Variants in IRF2BPL observed in about 807,000 individuals in gnomAD.
IRF2BPL encodes the protein probable E3 ubiquitin-protein ligase IRF2BPL.
In IRF2BPL, 13 loss-of-function variants were observed where a neutral mutation model predicts 51.2. That is an observed-to-expected ratio of 0.25 (90% confidence interval 0.17 to 0.40). The LOEUF (loss-of-function observed/expected upper bound fraction) is 0.40, where lower values mean the gene tolerates loss of function less well. Among genes scored for constraint, IRF2BPL ranks in the 10% least tolerant of loss-of-function variants. IRF2BPL has a pLI of 1.00. For missense variants in IRF2BPL, 1,210 were observed against 1,111.8 expected (o/e 1.09, Z -1.26); for synonymous variants, 768 against 509.2 (o/e 1.51, Z -6.84).
chr14:77,026,091 G>T lies in IRF2BPL; in HGVS notation c.1702C>A (p.Gln568Lys), dbSNP rs868308627. 2 of 1,574,338 alleles carry T rather than the reference G, an allele frequency of 1.3e-6. No homozygotes were observed. Among genetic ancestry groups the T allele is most frequent in the Non-Finnish European group, 8.6e-7 (1 of 1,165,272 alleles). ...GCCTCGCTCTGGTTCGCCATCCACT[G>T]CTGCCTCTGCTGTTCCTCGCCCAGC... Reference protein sequence around the residue: ...LKLGEEQQRQQWMANQSEALK... With the variant: ...LKLGEEQQRQKWMANQSEALK... Residue 568 changes from glutamine (Q) to lysine (K), a missense_variant, in exon 1 of 1, where the codon CAG becomes AAG. Coordinates refer to ENST00000238647, the MANE Select transcript of IRF2BPL (RefSeq NM_024496.4).
In IRF2BPL at chr14:77,026,116, C is replaced by G. The variant is rs1472006916; in HGVS notation, c.1677G>C (p.Lys559Asn). ...EPPDSAEGALKLGEEQQRQQW... is the reference protein window; with the variant it reads ...EPPDSAEGALNLGEEQQRQQW... ...GCTGCCTCTGCTGTTCCTCGCCCAGCTTCAGCGCGCCCTCGGCTGAGTCCG... is the reference window on the plus strand; with the variant it reads ...GCTGCCTCTGCTGTTCCTCGCCCAGGTTCAGCGCGCCCTCGGCTGAGTCCG... Residue 559 changes from lysine (K) to asparagine (N), a missense_variant, in exon 1 of 1, where the codon AAG (lysine) becomes AAC (asparagine). By Grantham distance (94) the Lys-to-Asn change is moderately conservative. Coordinates refer to ENST00000238647, the MANE Select transcript of IRF2BPL (RefSeq NM_024496.4). 8.3e-6 allele frequency: 13 copies of G among 1,570,618 alleles called. No individual in the cohort carries two copies. The highest frequency in any genetic ancestry group is 7.2e-5 in the Admixed American group (4 of 55,758).
In IRF2BPL at chr14:77,027,304, AGCGGCG is replaced by A. The variant is rs371633333; in HGVS notation, c.483_488del (p.Ala163_Ala164del). The A allele has an allele frequency of 2.7e-4, 409 of 1,538,232 alleles. 1 individual carries two copies. The highest frequency in any genetic ancestry group is 6.5e-4 in the Middle Eastern group (3 of 4,638). ...CGAAGCGGCTGCGCTGTTCCACCGC[AGCGGCG>A]GCGGCGGCGGCGGCGGCGGCGGCAG... On this transcript the variant is annotated inframe_deletion, in exon 1 of 1. Coordinates refer to ENST00000238647, the MANE Select transcript of IRF2BPL (RefSeq NM_024496.4).
At position 77,026,759 on chromosome 14, in the gene IRF2BPL, T is replaced by C. The variant is rs1443567609; in HGVS notation, c.1034A>G (p.Lys345Arg). The change falls in exon 1 of 1, where the codon AAG becomes AGG. Residue 345 changes from lysine (K) to arginine (R), a missense_variant. Lys to Arg is a conservative substitution (Grantham distance 26). Transcript: ENST00000238647. ...GGCCTCGGCGTTGCGCTGCTTCTCCTTCAACTCGCGCTCCTGGTCTGTGCT... is the reference window on the plus strand; with the variant it reads ...GGCCTCGGCGTTGCGCTGCTTCTCCCTCAACTCGCGCTCCTGGTCTGTGCT... ...VSSTDQEREL[K>R]EKQRNAEALA... 6.2e-7 allele frequency: 1 copy of C among 1,612,550 alleles called. No individual in the cohort carries two copies. Among genetic ancestry groups the C allele is most frequent in the East Asian group, 2.2e-5 (1 of 44,860 alleles).
rs1260016951 is a variant in IRF2BPL at position 77,027,686 on chromosome 14, C to T, written c.107G>A (p.Arg36His). ...MIWDFSEPVCRGCVNYEGADR... is the reference protein window; with the variant it reads ...MIWDFSEPVCHGCVNYEGADR... ...AGCGCCCTCGTAGTTGACGCAACCG[C>T]GGCATACGGGTTCCGAGAAGTCCCA... is the stretch of plus-strand genomic sequence containing the variant. The change falls in exon 1 of 1, where the codon CGC becomes CAC. Residue 36 changes from arginine (R) to histidine (H), a missense_variant. Physicochemically the swap from Arg to His is conservative, Grantham distance 29 (BLOSUM62 0). Coordinates refer to ENST00000238647, the MANE Select transcript of IRF2BPL (RefSeq NM_024496.4). The T allele has an allele frequency of 6.2e-7, 1 of 1,612,048 alleles. No homozygotes were observed. Among genetic ancestry groups the T allele is most frequent in the Non-Finnish European group, 8.5e-7 (1 of 1,179,526 alleles).
rs924464224 is a variant in IRF2BPL, at chr14:77,026,400, T to G, written c.1393A>C (p.Lys465Gln). ...AGGCGCCAGTCCCCGGAGCCGTGCT[T>G]CTTTTCGTACTCCAGGTACTTGAAA... ...SGFKYLEYEK[K>Q]HGSGDWRLLG... Residue 465 changes from lysine (K) to glutamine (Q), a missense_variant, in exon 1 of 1, where the codon AAG becomes CAG. Physicochemically the swap from Lys to Gln is moderately conservative, Grantham distance 53. Coordinates refer to ENST00000238647, the MANE Select transcript of IRF2BPL (RefSeq NM_024496.4). The G allele has an allele frequency of 3.1e-6, 5 of 1,613,230 alleles. No homozygotes were observed. The highest frequency in any genetic ancestry group is 4.2e-6 in the Non-Finnish European group (5 of 1,179,972).
At position 77,024,914 on chromosome 14, in the gene IRF2BPL, ATTTTTTTTTTTTTTTTTTTTTTTTT is replaced by A. The variant is rs554195069; in HGVS notation, c.*463_*487del. The A allele has an allele frequency of 4.4e-5, 1 of 22,972 alleles. No individual in the cohort carries two copies. Among genetic ancestry groups the A allele is most frequent in the South Asian group, 1.8e-3 (1 of 562 alleles). The allele number at this position is 22,972 out of a possible 1,614,324, so 1.4% of individuals were successfully genotyped here. A position where few individuals can be genotyped will look rare whatever the true frequency, so the allele number is the denominator to read the frequency against. On this transcript the variant is annotated 3_prime_UTR_variant, in exon 1 of 1. Transcript: ENST00000238647. The stretch of plus-strand genomic sequence containing the variant: ...AAGGAAGCTTTCACCATTTTATAGC[ATTTTTTTTTTTTTTTTTTTTTTTTT>A]TTTTTTTTTTTAGGCAGCAACACTG...
chr14:77,027,012 G>T lies in IRF2BPL; in HGVS notation c.781C>A (p.Leu261Met). ...TVPPNLLPQT[L>M]LNGPASAAVL... Reference sequence around the variant, plus strand: ...GCAGCGCTGGCCGGGCCGTTAAGCAGCGTCTGCGGTAGCAGGTTGGGGGGC... The same window carrying T: ...GCAGCGCTGGCCGGGCCGTTAAGCATCGTCTGCGGTAGCAGGTTGGGGGGC... The change falls in exon 1 of 1, where the codon CTG becomes ATG. Residue 261 changes from leucine (L) to methionine (M), a missense_variant. By Grantham distance (15) the Leu-to-Met change is conservative (BLOSUM62 2). Transcript: ENST00000238647. 6.6e-7 allele frequency: 1 copy of T among 1,519,744 alleles called. No homozygotes were observed. The highest frequency in any genetic ancestry group is 8.8e-7 in the Non-Finnish European group (1 of 1,135,118). 94.1% of individuals were successfully genotyped at this position (1,519,744 alleles called of 1,614,324 possible).
At position 77,027,433 on chromosome 14, in the gene IRF2BPL, C is replaced by T. The variant is rs756267666; in HGVS notation, c.360G>A (p.Gln120=). 31 of 1,412,962 alleles carry T rather than the reference C, an allele frequency of 2.2e-5. No homozygotes were observed. In the South Asian group the frequency reaches 2.3e-4, roughly 10 times the overall value. The allele number at this position is 1,412,962 out of a possible 1,614,324, so 87.5% of individuals were successfully genotyped here. ...TGAGCTGTTGTTGCTGCTGCTGCTGCTGCTGCTGCTGCTGCTGTTGCTGCT... is the reference window on the plus strand; with the variant it reads ...TGAGCTGTTGTTGCTGCTGCTGCTGTTGCTGCTGCTGCTGCTGTTGCTGCT... ...QQQQQQQQQQ[Q]QQQQQQQLNH... Residue 120 remains glutamine, a synonymous_variant, in exon 1 of 1, where the codon CAG becomes CAA. Coordinates refer to ENST00000238647, the MANE Select transcript of IRF2BPL (RefSeq NM_024496.4).
In IRF2BPL at chr14:77,024,783, T is replaced by G. The variant is rs1179507236; in HGVS notation, c.*619A>C. On this transcript the variant is annotated 3_prime_UTR_variant, in exon 1 of 1. Coordinates refer to ENST00000238647, the MANE Select transcript of IRF2BPL (RefSeq NM_024496.4). The stretch of plus-strand genomic sequence containing the variant: ...TTCCCCTCACAAACTTGCAACAAAA[T>G]ACACCCCATCCCCCCCGACACCCCC... 6.6e-6 allele frequency: 1 copy of G among 150,898 alleles called. No homozygotes were observed. Among genetic ancestry groups the G allele is most frequent in the Admixed American group, 6.6e-5 (1 of 15,070 alleles). The allele number at this position is 150,898 out of a possible 1,614,324, so 9.3% of individuals were successfully genotyped here.
At position 77,027,891 on chromosome 14, in the gene IRF2BPL, G is replaced by C; in HGVS notation, c.-99C>G. Reference sequence around the variant, plus strand: ...CGGCTGGGGAGGGAGTCCGACTGCGGGGGAGGGAGGAGGGGGGGCGAGAAA... The same window carrying C: ...CGGCTGGGGAGGGAGTCCGACTGCGCGGGAGGGAGGAGGGGGGGCGAGAAA... On this transcript the variant is annotated 5_prime_UTR_variant, in exon 1 of 1. Coordinates refer to ENST00000238647, the MANE Select transcript of IRF2BPL (RefSeq NM_024496.4). 1 of 1,362,392 alleles carries C rather than the reference G, an allele frequency of 7.3e-7. No individual in the cohort carries two copies. The highest frequency in any genetic ancestry group is 9.6e-7 in the Non-Finnish European group (1 of 1,044,550). 84.4% of individuals were successfully genotyped at this position (1,362,392 alleles called of 1,614,324 possible). A position where few individuals can be genotyped will look rare whatever the true frequency, so the allele number is the denominator to read the frequency against.
rs1885172839 is a variant in IRF2BPL at position 77,027,420 on chromosome 14, GCT to G, written c.371_372del (p.Gln124ProfsTer8). 4.8e-6 allele frequency: 1 copy of G among 207,054 alleles called. No homozygotes were observed. The highest frequency in any genetic ancestry group is 1.6e-4 in the African/African-American group (1 of 6,344). The allele number at this position is 207,054 out of a possible 1,614,324, so 12.8% of individuals were successfully genotyped here. ...CCATCAACGTGGTTGAGCTGTTGTTGCTGCTGCTGCTGCTGCTGCTGCTGCTG... is the reference window on the plus strand; with the variant it reads ...CCATCAACGTGGTTGAGCTGTTGTTGGCTGCTGCTGCTGCTGCTGCTGCTG... Reference protein sequence around the residue: ...QQQQQQQQQQQQQQLNHVDGS... With the variant: ...QQQQQQQQQQXQQQLNHVDGS... On this transcript the variant is annotated frameshift_variant, in exon 1 of 1. Transcript: ENST00000238647. LOFTEE classifies it high-confidence loss of function.
rs1566787421 is a variant in IRF2BPL at position 77,028,014 on chromosome 14, C to T, written c.-222G>A. ...GCCCGGGCAGCGGACGGGTTCAGCC[C>T]TCTCTTCGCCCCCACCTCCTACTGC... On this transcript the variant is annotated 5_prime_UTR_variant, in exon 1 of 1. Transcript: ENST00000238647. 4.1e-6 allele frequency: 2 copies of T among 483,730 alleles called. No homozygotes were observed. The highest frequency in any genetic ancestry group is 4.0e-5 in the Admixed American group (1 of 24,730). 30.0% of individuals were successfully genotyped at this position (483,730 alleles called of 1,614,324 possible). A position where few individuals can be genotyped will look rare whatever the true frequency, so the allele number is the denominator to read the frequency against.
Position 77,027,333 on chromosome 14 carries a change from C to G in IRF2BPL, c.460G>C (p.Ala154Pro). Residue 154 changes from alanine (A) to proline (P), a missense_variant, in exon 1 of 1, where the codon GCC becomes CCC. Transcript: ENST00000238647. ...SGLERYGLSA[A>P]AAAAAAAAAA... ...GCGGCGGCGGCGGCGGCGGCGGCGG[C>G]AGCGCTTAGGCCGTAGCGCTCCAGG... 6.5e-7 allele frequency: 1 copy of G among 1,530,276 alleles called. No individual in the cohort carries two copies. 94.8% of individuals were successfully genotyped at this position (1,530,276 alleles called of 1,614,324 possible).
chr14:77,026,010 C>T lies in IRF2BPL; in HGVS notation c.1783G>A (p.Gly595Ser), dbSNP rs2140377333. The T allele has an allele frequency of 6.4e-7, 1 of 1,564,998 alleles. No homozygotes were observed. Among genetic ancestry groups the T allele is most frequent in the Non-Finnish European group, 8.6e-7 (1 of 1,156,726 alleles). The part of the protein sequence containing the change: ...GFAAPGHAAG[G>S]PPPPPPPLGP... ...AGAGGTGGGGGCGGCGGAGGCGGAC[C>T]CCCCGCCGCGTGCCCCGGCGCCGCG... is the stretch of plus-strand genomic sequence containing the variant. The change falls in exon 1 of 1, where the codon GGT becomes AGT. Residue 595 changes from glycine (G) to serine (S), a missense_variant. Gly to Ser is a moderately conservative substitution (Grantham distance 56). Transcript: ENST00000238647.
In IRF2BPL at chr14:77,028,621, C is replaced by A; in HGVS notation, c.-829G>T. 1 of 387,272 alleles carries A rather than the reference C, an allele frequency of 2.6e-6. No homozygotes were observed. Among genetic ancestry groups the A allele is most frequent in the Admixed American group, 4.5e-5 (1 of 22,328 alleles). The allele number at this position is 387,272 out of a possible 1,614,324, so 24.0% of individuals were successfully genotyped here. ...ATCCCTTCCCGCTCGTGCTCACGCT[C>A]GCCCGGAATGTGGGGTTGTGATTGT... On this transcript the variant is annotated 5_prime_UTR_variant, in exon 1 of 1. Transcript: ENST00000238647.
rs761017530 is a variant in IRF2BPL, at chr14:77,025,807, C to T, written c.1986G>A (p.Ser662=). The T allele has an allele frequency of 1.9e-6, 3 of 1,611,644 alleles. No homozygotes were observed. Among genetic ancestry groups the T allele is most frequent in the Admixed American group, 3.3e-5 (2 of 59,870 alleles). The change falls in exon 1 of 1, where the codon TCG becomes TCA. Residue 662 remains serine (S), a synonymous_variant. Transcript: ENST00000238647. ...SARRNSSSPV[S]PASVPGQRRL... is the part of the protein sequence containing the mutation. ...GGCGCTGCCCCGGCACGGAGGCCGG[C>T]GAGACTGGGCTGCTGCTGTTTCGCC... is the stretch of plus-strand genomic sequence containing the variant.
rs1470364861 is a variant in IRF2BPL, at chr14:77,027,080, C to A, written c.713G>T (p.Gly238Val). 5 of 1,605,334 alleles carry A rather than the reference C, an allele frequency of 3.1e-6. No homozygotes were observed. The highest frequency in any genetic ancestry group is 2.5e-6 in the Non-Finnish European group (3 of 1,177,078). Reference protein sequence around the residue: ...RRGTHGGLVTGLPNPGGGGGP... With the variant: ...RRGTHGGLVTVLPNPGGGGGP... Reference sequence around the variant, plus strand: ...TCCGCCACCCCCCGGGTTGGGCAGCCCCGTAACCAGCCCACCGTGCGTTCC... The same window carrying A: ...TCCGCCACCCCCCGGGTTGGGCAGCACCGTAACCAGCCCACCGTGCGTTCC... The change falls in exon 1 of 1, where the codon GGG becomes GTG. Residue 238 changes from glycine (G) to valine (V), a missense_variant. By Grantham distance (109) the Gly-to-Val change is moderately radical. Coordinates refer to ENST00000238647, the MANE Select transcript of IRF2BPL (RefSeq NM_024496.4).
Position 77,027,426 on chromosome 14 carries a change from GC to G in IRF2BPL, c.366del (p.Gln122HisfsTer30), listed in dbSNP as rs1885173706. 2.1e-6 allele frequency: 2 copies of G among 946,292 alleles called. No individual in the cohort carries two copies. Among genetic ancestry groups the G allele is most frequent in the Non-Finnish European group, 2.9e-6 (2 of 690,156 alleles). 58.6% of individuals were successfully genotyped at this position (946,292 alleles called of 1,614,324 possible). A position where few individuals can be genotyped will look rare whatever the true frequency, so the allele number is the denominator to read the frequency against. ...ACGTGGTTGAGCTGTTGTTGCTGCT[GC>G]TGCTGCTGCTGCTGCTGCTGCTGTT... ...QQQQQQQQQQ[Q>X]QQQQQLNHVD... On this transcript the variant is annotated frameshift_variant, in exon 1 of 1. Coordinates refer to ENST00000238647, the MANE Select transcript of IRF2BPL (RefSeq NM_024496.4). LOFTEE classifies it high-confidence loss of function.
Position 77,027,295 on chromosome 14 carries a change from T to C in IRF2BPL, c.498A>G (p.Glu166=), listed in dbSNP as rs1278253147. ...AAAAAAAAAV[E]QRSRFEYPPP... ...GCGGGTACTCGAAGCGGCTGCGCTG[T>C]TCCACCGCAGCGGCGGCGGCGGCGG... The change falls in exon 1 of 1, where the codon GAA becomes GAG. Residue 166 remains glutamate, a synonymous_variant. Coordinates refer to ENST00000238647, the MANE Select transcript of IRF2BPL (RefSeq NM_024496.4). The C allele has an allele frequency of 1.3e-6, 2 of 1,569,158 alleles. No individual in the cohort carries two copies. Among genetic ancestry groups the C allele is most frequent in the Non-Finnish European group, 8.6e-7 (1 of 1,164,460 alleles).
Sources: gnomAD v4.1 joint callset for allele counts on GRCh38, gnomAD v4.1.1 for gene constraint, MANE v1.5 for transcripts, NCBI Gene and HGNC (gene_info 2026-07-23, HGNC 2026-07-21) for gene names.